RAB38: variants seen among roughly 807,000 people sequenced by gnomAD.
RAB38 encodes the protein RAB38, member RAS oncogene family.
In RAB38, 15 loss-of-function variants were observed where a neutral mutation model predicts 18.4. The ratio of observed to expected loss-of-function variants is 0.82; its 90% CI spans 0.55 to 1.26. The LOEUF (loss-of-function observed/expected upper bound fraction) is 1.26. Ranked by LOEUF, RAB38 falls within the 50% of genes most tolerant of loss-of-function variation. RAB38 has a pLI of 0.00. For synonymous variants in RAB38, 101 were observed against 104.4 expected, an observed-to-expected ratio of 0.97 and a Z score of 0.20; for missense variants, 294 against 267.4, an observed-to-expected ratio of 1.10 and a Z score of -0.69.
the RAB38 span, among the ~76,000 whole-genome samples, chr11:88,031,298 A>G: frequency 6.6e-6 from 1 of 150,862 alleles, no homozygotes; most frequent in African/African-American, 2.4e-5. Context: ...AACTGGAAGC[A>G]TTCCCTTTGA....
the RAB38 span, among the ~76,000 whole-genome samples, chr11:88,104,622 C>T: frequency 2.0e-5 from 3 of 152,054 alleles, no homozygotes; most frequent in African/African-American, 7.2e-5. Context: ...GACTAAGCAG[C>T]ATGTGTACAG....
At chr11:87,959,711 A>C in the RAB38 span, among the ~76,000 whole-genome samples, 1 of 152,326 alleles carries the variant, frequency 6.6e-6, no homozygotes, top group South Asian at 2.1e-4. Flanking sequence ...CTTTAAAATA[A>C]AATTACTTGT....
the RAB38 span, among the ~76,000 whole-genome samples, chr11:88,059,358 T>C: frequency 6.6e-6 from 1 of 152,130 alleles, no homozygotes; most frequent in Non-Finnish European, 1.5e-5. Flanking sequence ...TTAATAGGGG[T>C]ATAATTCAAT....
chr11:88,137,227 A>C (rs1233264001), intron 2 of RAB38, among the ~76,000 whole-genome samples: 1 of 152,232 alleles, frequency 6.6e-6, no homozygotes, highest in Non-Finnish European at 1.5e-5. Context: ...CACAGAGCTC[A>C]GTATCTGCTT....
chr11:88,127,562 C>A (rs1023435242), intron 2 of RAB38, among the ~76,000 whole-genome samples: 5 of 152,168 alleles, frequency 3.3e-5, no homozygotes, highest in Admixed American at 2.0e-4. Flanking sequence ...TTTTATATTA[C>A]CCTGTGTGTT....
At chr11:87,868,612 A>AGAGAGAGAGAAG in the RAB38 span, among the ~76,000 whole-genome samples, 8 of 144,708 alleles carry the variant, frequency 5.5e-5, no homozygotes, top group African/African-American at 2.1e-4. Context: ...AGAGAGAGAG[A>AGAGAGAGAGAAG]GAGAGAGAGA....
chr11:87,870,952 C>A, the RAB38 span, among the ~76,000 whole-genome samples: 1 of 151,532 alleles, frequency 6.6e-6, no homozygotes, highest in Non-Finnish European at 1.5e-5. Context: ...TCACACATAG[C>A]ATTATGTTGT....
the RAB38 span, among the ~76,000 whole-genome samples, chr11:87,930,823 A>G: frequency 2.0e-5 from 3 of 147,806 alleles, no homozygotes; most frequent in African/African-American, 7.7e-5. Context: ...TAAATAGGGA[A>G]TCCTTTCCCC....
chr11:88,116,063 C>G (rs1488130283), intron 2 of RAB38, among the ~76,000 whole-genome samples: 1 of 152,174 alleles, frequency 6.6e-6, no homozygotes, highest in Non-Finnish European at 1.5e-5. Flanking sequence ...CTGTGCTTAG[C>G]ATGTCTTCTG....
intron 2 of RAB38, among the ~76,000 whole-genome samples, chr11:88,141,694 G>A (rs1040190265): frequency 9.9e-5 from 15 of 151,220 alleles, no homozygotes; most frequent in African/African-American, 3.6e-4. Context: ...GCAAAGCTTT[G>A]CTCTCTGTTT....
At chr11:87,930,341 C>T in the RAB38 span, among the ~76,000 whole-genome samples, 3 of 152,076 alleles carry the variant, frequency 2.0e-5, no homozygotes, top group Non-Finnish European at 2.9e-5. Context: ...TTTCATGTGT[C>T]TTTTGGTTGC....
chr11:88,155,517 GAAAT>G (rs1943114990), intron 1 of RAB38, among the ~76,000 whole-genome samples: 2 of 151,912 alleles, frequency 1.3e-5, no homozygotes. Flanking sequence ...GTATGATAGA[GAAAT>G]AAAGAAAAAG....
the RAB38 span, among the ~76,000 whole-genome samples, chr11:87,911,771 G>T: frequency 6.6e-6 from 1 of 151,878 alleles, no homozygotes; most frequent in Admixed American, 6.6e-5. Flanking sequence ...TAAGTGATGA[G>T]AATATGCATG....
chr11:88,086,646 A>T, the RAB38 span, among the ~76,000 whole-genome samples: 1 of 151,880 alleles, frequency 6.6e-6, no homozygotes, highest in Admixed American at 6.6e-5. Context: ...TCTGTGTTTG[A>T]ACTCCCTCAA....
chr11:87,810,534 T>C, the RAB38 span, among the ~76,000 whole-genome samples: 1 of 152,210 alleles, frequency 6.6e-6, no homozygotes, highest in Non-Finnish European at 1.5e-5. Flanking sequence ...CATGGTATCA[T>C]GCAGTAAAAA....
chr11:88,114,005 C>T lies in RAB38; in HGVS notation c.619G>A (p.Gly207Ser). 1 of 1,614,120 alleles carries T rather than the reference C, an allele frequency of 6.2e-7. No individual in the cohort carries two copies. Among genetic ancestry groups the T allele is most frequent in the Non-Finnish European group, 8.5e-7 (1 of 1,180,014 alleles). ...LTSTKVASCS[G>S]CAKS is the part of the protein sequence containing the mutation. ...GGTGCCTACTAGGATTTGGCACAGC[C>T]AGAGCAGCTGGCAACCTTGGTTGAT... is the stretch of plus-strand genomic sequence containing the variant. The change falls in exon 3 of 3, where the codon GGC becomes AGC. Residue 207 changes from glycine (G) to serine (S), a missense_variant. Physicochemically the swap from Gly to Ser is moderately conservative, Grantham distance 56. Transcript: ENST00000243662.
At chr11:88,012,029 T>A in the RAB38 span, among the ~76,000 whole-genome samples, 1 of 152,154 alleles carries the variant, frequency 6.6e-6, no homozygotes, top group Non-Finnish European at 1.5e-5. Context: ...AGTGTGACAT[T>A]CACCTGAGAG....
chr11:88,069,085 C>T, the RAB38 span, among the ~76,000 whole-genome samples: 8 of 152,142 alleles, frequency 5.3e-5, no homozygotes, highest in African/African-American at 7.2e-5. Flanking sequence ...CTGTGCACTG[C>T]GATTGCGGGC....
chr11:88,006,626 A>AT, the RAB38 span, among the ~76,000 whole-genome samples: 2 of 143,516 alleles, frequency 1.4e-5, no homozygotes, highest in Admixed American at 7.0e-5. Flanking sequence ...ATGTATATAT[A>AT]ATATATATAT....
Sources: allele counts gnomAD v4.1 joint callset (sites outside exome capture counted in the v4.1 genomes callset), GRCh38; gene constraint gnomAD v4.1.1; transcripts MANE v1.5; gene names NCBI Gene and HGNC (gene_info 2026-07-23, HGNC 2026-07-21).